Variants in CHEK2 observed in about 807,000 individuals in gnomAD.
CHEK2 encodes the protein checkpoint kinase 2.
Under a neutral mutation model 69.1 loss-of-function variants are expected in CHEK2, and 71 were observed. That is an observed-to-expected ratio of 1.03 (90% CI 0.85 to 1.25). The LOEUF (loss-of-function observed/expected upper bound fraction) is 1.25, where lower values mean the gene tolerates loss of function less well. Ranked by LOEUF, CHEK2 falls within the 50% of genes most tolerant of loss-of-function variation. CHEK2 has a pLI of 0.00. For missense variants in CHEK2, 664 were observed against 649.6 expected (o/e 1.02, Z -0.24); for synonymous variants, 189 against 226.9 (o/e 0.83, Z 1.50).
intron 11 of CHEK2, 77 bp from the exon 12 acceptor site, chr22:28,695,319 T>A: frequency 1.2e-6 from 1 of 841,188 alleles, no homozygotes; most frequent in Non-Finnish European, 2.0e-6. Context: ...AGATTTCTTT[T>A]TCAGCATAAT....
At chr22:28,722,153 C>T (rs2053809017) in intron 4 of CHEK2, among the ~76,000 whole-genome samples, 2 of 152,124 alleles carry the variant, frequency 1.3e-5, no homozygotes, top group African/African-American at 4.8e-5. Flanking sequence ...AAGGAGAGGA[C>T]AGACCAAATT....
At chr22:28,696,120 A>G (rs2052575806) in intron 10 of CHEK2, among the ~76,000 whole-genome samples, 1 of 152,162 alleles carries the variant, frequency 6.6e-6, no homozygotes, top group Non-Finnish European at 1.5e-5. Flanking sequence ...TGTCCTCTGT[A>G]ATCTTACAAA....
Position 28,687,939 on chromosome 22 carries a change from G to C in CHEK2, c.1590C>G (p.Ala530=), listed in dbSNP as rs786201796. The change falls in exon 15 of 15, where the codon GCC becomes GCG. Residue 530 remains alanine (A), a synonymous_variant. Transcript: ENST00000404276. ...ACACAGCTGGGCGCTTTGTGGTCTC[G>C]GCACCCTCGGCTTCCCCTTCACGGG... ...KRPREGEAEG[A]ETTKRPAVCA... is the part of the protein sequence containing the mutation. The C allele has an allele frequency of 1.3e-6, 2 of 1,596,388 alleles. No homozygotes were observed. The highest frequency in any genetic ancestry group is 1.7e-5 in the Admixed American group (1 of 60,004).
At chr22:28,724,786 G>A (rs560284822) in intron 4 of CHEK2, 191 bp downstream of exon 4, 6 of 656,084 alleles carry the variant, frequency 9.1e-6, no homozygotes, top group African/African-American at 1.8e-5. Context: ...GGCTGGTCTC[G>A]AACTCCTGAC....
rs2267130 is a variant in CHEK2, at chr22:28,703,766, T to C, written c.847-200A>G. 0.36 allele frequency among the ~76,000 whole-genome samples: 54,513 copies of C among 151,914 alleles called. 11,682 individuals are homozygous for C. The highest frequency in any genetic ancestry group is 0.48 in the Non-Finnish European group (32,776 of 67,932). On this transcript the variant is annotated intron_variant, in intron 7 of 14. Transcript: ENST00000404276. ...CCTCAGTGAGAACATGCAAGAAATT[T>C]TCCACCCCACCATGATGGTGAGAGA...
In CHEK2 at chr22:28,711,954, C is replaced by G. The variant is rs749366698; in HGVS notation, c.747G>C (p.Lys249Asn). 2 of 1,613,988 alleles carry G rather than the reference C, an allele frequency of 1.2e-6. No homozygotes were observed. Among genetic ancestry groups the G allele is most frequent in the Non-Finnish European group, 1.7e-6 (2 of 1,179,950 alleles). The change falls in exon 6 of 15, where the codon AAG becomes AAC. Residue 249 changes from lysine to asparagine, a missense_variant. Lys to Asn is a moderately conservative substitution (Grantham distance 94, BLOSUM62 0). Transcript: ENST00000404276. ...TAGCAAACTTCCTTTTGCTGATGAT[C>G]TTTATGGCTACTTTCTTACATGTTT... ...ERKTCKKVAI[K>N]IISKRKFAIG...
chr22:28,710,630 G>T (rs1413895138), intron 6 of CHEK2, among the ~76,000 whole-genome samples: 5 of 152,176 alleles, frequency 3.3e-5, no homozygotes, highest in South Asian at 2.1e-4. Flanking sequence ...AGGCTTCAGG[G>T]TACTAAAGTT....
intron 1 of CHEK2, chr22:28,737,351 G>T (rs1400277129): frequency 2.2e-6 from 1 of 449,006 alleles, no homozygotes; most frequent in Admixed American, 3.0e-5. Flanking sequence ...ACACTTTACA[G>T]CTTCTCTTTA....
chr22:28,729,038 C>G (rs1318775261), intron 2 of CHEK2, among the ~76,000 whole-genome samples: 1 of 152,100 alleles, frequency 6.6e-6, no homozygotes, highest in African/African-American at 2.4e-5. Context: ...ATGTAAAGAA[C>G]TAATACCAAT....
intron 6 of CHEK2, among the ~76,000 whole-genome samples, chr22:28,711,679 A>G (rs2145946113): frequency 6.6e-6 from 1 of 152,256 alleles, no homozygotes; most frequent in East Asian, 1.9e-4. Flanking sequence ...ACTTCCCACT[A>G]TGCTCATTAT....
chr22:28,716,720 AG>A (rs778836999), intron 5 of CHEK2, among the ~76,000 whole-genome samples: 3 of 152,214 alleles, frequency 2.0e-5, no homozygotes, highest in Non-Finnish European at 4.4e-5. Context: ...TTTGTGAGAC[AG>A]GAAGGGGGAT....
intron 7 of CHEK2, among the ~76,000 whole-genome samples, chr22:28,705,259 A>G (rs2053073113): frequency 6.6e-6 from 1 of 151,808 alleles, no homozygotes; most frequent in African/African-American, 2.4e-5. Flanking sequence ...TTGTATTTTT[A>G]GTAGAGACTT....
chr22:28,719,629 G>A (rs2053703161), intron 4 of CHEK2, 144 bp from the exon 5 acceptor site: 3 of 594,976 alleles, frequency 5.0e-6, no homozygotes, highest in South Asian at 4.2e-5. Context: ...TAGTATGTAT[G>A]TAATATAATA....
chr22:28,705,900 G>A (rs986549240), intron 7 of CHEK2, among the ~76,000 whole-genome samples: 23 of 151,640 alleles, frequency 1.5e-4, no homozygotes, highest in Admixed American at 5.3e-4. Flanking sequence ...CCTAAATCGC[G>A]CCATGGCACT....
At chr22:28,712,113 T>A (rs2053424255) in intron 5 of CHEK2, 96 bp from the exon 6 acceptor site, 1 of 879,378 alleles carries the variant, frequency 1.1e-6, no homozygotes, top group Admixed American at 1.8e-5. Context: ...TTTACAGACA[T>A]TCCATATAAC....
At chr22:28,741,017 G>C (rs935878671) in intron 1 of CHEK2, among the ~76,000 whole-genome samples, 4 of 151,814 alleles carry the variant, frequency 2.6e-5, no homozygotes, top group African/African-American at 9.7e-5. Context: ...GGGCATGGTG[G>C]CGGGTACCTA....
At chr22:28,711,517 T>C (rs1420638543) in intron 6 of CHEK2, among the ~76,000 whole-genome samples, 2 of 152,172 alleles carry the variant, frequency 1.3e-5, no homozygotes, top group African/African-American at 4.8e-5. Context: ...AAACACGATT[T>C]CATCTGAACA....
intron 6 of CHEK2, among the ~76,000 whole-genome samples, chr22:28,710,731 T>C (rs2053363334): frequency 6.6e-6 from 1 of 152,316 alleles, no homozygotes; most frequent in Admixed American, 6.5e-5. Flanking sequence ...ATTACATATT[T>C]ATGTAAAATG....
chr22:28,720,339 C>G (rs1393798386), intron 4 of CHEK2, among the ~76,000 whole-genome samples: 1 of 151,626 alleles, frequency 6.6e-6, no homozygotes, highest in Non-Finnish European at 1.5e-5. Flanking sequence ...GATCCACCCA[C>G]CTTGGCATCC....
Sources: gnomAD v4.1 joint callset for allele counts (sites outside exome capture counted in the v4.1 genomes callset) on GRCh38, gnomAD v4.1.1 for gene constraint, MANE v1.5 for transcripts, NCBI Gene and HGNC (gene_info 2026-07-23, HGNC 2026-07-21) for gene names.